The following CABLES1 variants were observed in gnomAD, a reference collection of about 807,000 sequenced individuals.
CABLES1 encodes CDK5 and ABL1 enzyme substrate 1.
In CABLES1, 36 loss-of-function variants were observed where a neutral mutation model predicts 57.8. The observed-to-expected ratio is 0.62, with a 90% CI of 0.48 to 0.82. The LOEUF is 0.82. CABLES1 is among the 40% of genes least tolerant of loss of function. The pLI is 0.00. For missense variants in CABLES1, 767 were observed against 836.6 expected, an observed-to-expected ratio of 0.92 and a Z score of 1.03; for synonymous variants, 374 against 363.0, an observed-to-expected ratio of 1.03 and a Z score of -0.35.
At chr18:23,168,444 G>A (rs968096970) in intron 1 of CABLES1, among the ~76,000 whole-genome samples, 4 of 152,192 alleles carry the variant, frequency 2.6e-5, no homozygotes, top group Non-Finnish European at 4.4e-5. Flanking sequence ...TAGAATAATG[G>A]CTGCTGGGGG....
intron 1 of CABLES1, among the ~76,000 whole-genome samples, chr18:23,152,100 A>G (rs2046934785): frequency 6.6e-6 from 1 of 152,062 alleles, no homozygotes; most frequent in African/African-American, 2.4e-5. Context: ...CAGTGTTATG[A>G]GTTTAAAAAT....
intron 3 of CABLES1, among the ~76,000 whole-genome samples, chr18:23,200,680 T>C (rs1351995930): frequency 6.6e-6 from 1 of 152,188 alleles, no homozygotes; most frequent in Non-Finnish European, 1.5e-5. Flanking sequence ...ACTAAGAAAA[T>C]GTCATGTCCC....
intron 7 of CABLES1, among the ~76,000 whole-genome samples, chr18:23,248,526 T>C (rs1169900570): frequency 1.6e-4 from 22 of 136,568 alleles, no homozygotes; most frequent in African/African-American, 5.6e-4. Flanking sequence ...TTTTTTTTTT[T>C]TTTTTTTTTT....
At chr18:23,148,832 G>A (rs1044126955) in intron 1 of CABLES1, among the ~76,000 whole-genome samples, 12 of 152,246 alleles carry the variant, frequency 7.9e-5, no homozygotes, top group African/African-American at 2.9e-4. Context: ...AGGCACAGGT[G>A]TGAGCAGAGC....
intron 2 of CABLES1, 60 bp from the exon 3 acceptor site, chr18:23,194,388 A>C (rs1433999286): frequency 2.9e-6 from 3 of 1,026,378 alleles, no homozygotes; most frequent in East Asian, 2.4e-5. Context: ...CTTTATGTGG[A>C]GACGTCTCAG....
At chr18:23,189,714 C>T (rs1033093922) in intron 2 of CABLES1, among the ~76,000 whole-genome samples, 33 of 152,236 alleles carry the variant, frequency 2.2e-4, no homozygotes, top group African/African-American at 7.7e-4. Context: ...GCATCTGCAC[C>T]GTGCGTGCCT....
At chr18:23,158,138 A>G (rs77016007) in intron 1 of CABLES1, among the ~76,000 whole-genome samples, 9 of 133,628 alleles carry the variant, frequency 6.7e-5, no homozygotes, top group Non-Finnish European at 1.3e-4. Context: ...AAAAAAAAAA[A>G]CAAACCCACA....
At chr18:23,188,248 C>T (rs372355619) in intron 1 of CABLES1, among the ~76,000 whole-genome samples, 15 of 152,130 alleles carry the variant, frequency 9.9e-5, no homozygotes, top group African/African-American at 2.9e-4. Flanking sequence ...TAATGTTTTG[C>T]GTAATCATGC....
chr18:23,177,316 C>T (rs1050108513), intron 1 of CABLES1, among the ~76,000 whole-genome samples: 1 of 152,012 alleles, frequency 6.6e-6, no homozygotes, highest in African/African-American at 2.4e-5. Context: ...TGGCCCCCTG[C>T]ACCACACACT....
chr18:23,237,316 G>C, intron 7 of CABLES1, 71 bp downstream of exon 7: 2 of 1,024,222 alleles, frequency 2.0e-6, no homozygotes, highest in South Asian at 2.5e-5. Flanking sequence ...TGGCCGGCTG[G>C]GGGCTTGTTC....
At chr18:23,183,281 C>A (rs1445634421) in intron 1 of CABLES1, among the ~76,000 whole-genome samples, 1 of 152,234 alleles carries the variant, frequency 6.6e-6, no homozygotes, top group Non-Finnish European at 1.5e-5. Flanking sequence ...AGTGACCTTT[C>A]CTTAAGCTTT....
chr18:23,200,283 G>A (rs1227601761), intron 3 of CABLES1, among the ~76,000 whole-genome samples: 1 of 151,100 alleles, frequency 6.6e-6, no homozygotes, highest in Admixed American at 6.6e-5. Context: ...TTTTTTAGAT[G>A]GAGTCTCACT....
chr18:23,147,979 CTTTTTTTTTTTTTTTT>C (rs10603023), intron 1 of CABLES1, among the ~76,000 whole-genome samples: 2 of 78,358 alleles, frequency 2.6e-5, no homozygotes, highest in African/African-American at 1.1e-4. Flanking sequence ...GCTTGGCCTC[CTTTTTTTTTTTTTTTT>C]TTTTTTTTTT....
rs187982950 is a variant in CABLES1 at position 23,151,943 on chromosome 18, C to T, written c.845+15336C>T. Among the ~76,000 whole-genome samples the T allele has an allele frequency of 3.9e-5, 6 of 152,186 alleles. No individual in the cohort carries two copies. In the East Asian group the frequency reaches 7.7e-4, roughly 20 times the overall value. ...AGCGAAGCGGGTGGAGAGAAGTGAA[C>T]GGACTCAACAGAGATGAAAGGCACA... On this transcript the variant is annotated intron_variant, in intron 1 of 9. Coordinates refer to ENST00000256925, the MANE Select transcript of CABLES1 (RefSeq NM_001100619.3).
chr18:23,214,925 A>T (rs1002180879), intron 4 of CABLES1, among the ~76,000 whole-genome samples: 14 of 151,610 alleles, frequency 9.2e-5, no homozygotes, highest in African/African-American at 3.4e-4. Context: ...GCTCACCATG[A>T]CCTCCCCTTT....
intron 2 of CABLES1, among the ~76,000 whole-genome samples, chr18:23,191,153 A>G (rs949337027): frequency 6.6e-6 from 1 of 152,034 alleles, no homozygotes; most frequent in African/African-American, 2.4e-5. Context: ...CAGGAGGCTG[A>G]GGCGACAGGA....
At position 23,214,191 on chromosome 18, in the gene CABLES1, TGA is replaced by T. The variant is rs1254187643; in HGVS notation, c.1088+138_1088+139del. 5 of 596,720 alleles carry T rather than the reference TGA, an allele frequency of 8.4e-6. No homozygotes were observed. The African/African-American group carries it at 9.4e-5, about 11-fold the overall frequency. 37.0% of individuals were successfully genotyped at this position (596,720 alleles called of 1,614,324 possible). A position where few individuals can be genotyped will look rare whatever the true frequency, so the allele number is the denominator to read the frequency against. The stretch of plus-strand genomic sequence containing the variant: ...CAAATTCAGTATTTGTACACTGGAA[TGA>T]TAAAAAGATGTTCCACTTTCTTTTC... On this transcript the variant is annotated intron_variant, in intron 4 of 9. Transcript: ENST00000256925.
At position 23,135,664 on chromosome 18, in the gene CABLES1, C is replaced by G; in HGVS notation, c.-99C>G. 1 of 967,356 alleles carries G rather than the reference C, an allele frequency of 1.0e-6. No homozygotes were observed. The highest frequency in any genetic ancestry group is 1.2e-6 in the Non-Finnish European group (1 of 815,258). 59.9% of individuals were successfully genotyped at this position (967,356 alleles called of 1,614,324 possible). On this transcript the variant is annotated 5_prime_UTR_variant, in exon 1 of 10. Transcript: ENST00000256925. The stretch of plus-strand genomic sequence containing the variant: ...GCGCACGCCGCCCGATCCCCGCGCC[C>G]TACCCAGCCCGGGTCGCCGCCGCTC...
chr18:23,191,933 A>G (rs1476122941), intron 2 of CABLES1, among the ~76,000 whole-genome samples: 3 of 146,834 alleles, frequency 2.0e-5, no homozygotes, highest in Non-Finnish European at 4.5e-5. Context: ...AAAAAAAAAA[A>G]AAAAAAAAGG....
Sources: gnomAD v4.1 joint callset for allele counts (sites outside exome capture counted in the v4.1 genomes callset) on GRCh38, gnomAD v4.1.1 for gene constraint, MANE v1.5 for transcripts, NCBI Gene and HGNC (gene_info 2026-07-23, HGNC 2026-07-21) for gene names.